Variants in LHX4 observed in about 807,000 individuals in gnomAD.
LHX4 encodes the protein LIM/homeobox protein Lhx4.
LHX4 carries 16 observed loss-of-function variants against 39.2 expected under a neutral mutation model. The observed-to-expected ratio is 0.41, with a 90% confidence interval of 0.28 to 0.62. The LOEUF is 0.62. Ranked by LOEUF, LHX4 falls within the 20% of genes least tolerant of loss-of-function variation. The pLI, the probability that LHX4 is intolerant of heterozygous loss-of-function variation, is 0.33. For synonymous variants in LHX4, 206 were observed against 198.1 expected (o/e 1.04, Z -0.33); for missense variants, 439 against 511.9 (o/e 0.86, Z 1.37).
intron 2 of LHX4, among the ~76,000 whole-genome samples, chr1:180,262,825 G>A (rs959670566): frequency 1.3e-5 from 2 of 152,164 alleles, no homozygotes; most frequent in Admixed American, 6.5e-5. Context: ...CATTCATTGG[G>A]TCTTTGTGGC....
chr1:180,229,968 G>GGGGGGGC, upstream of LHX4, among the ~76,000 whole-genome samples: 1 of 140,972 alleles, frequency 7.1e-6, no homozygotes, highest in South Asian at 2.3e-4. Flanking sequence ...GCGGGGAGGG[G>GGGGGGGC]GGGGGGGTGC....
Position 180,271,445 on chromosome 1 carries a change from A to G in LHX4, c.517A>G (p.Lys173Glu). 6.2e-7 allele frequency: 1 copy of G among 1,614,164 alleles called. No individual in the cohort carries two copies. The highest frequency in any genetic ancestry group is 8.5e-7 in the Non-Finnish European group (1 of 1,180,012). Reference protein sequence around the residue: ...TITAKQLETLKNAYKNSPKPA... With the variant: ...TITAKQLETLENAYKNSPKPA... The stretch of plus-strand genomic sequence containing the variant: ...CACAGCCAAGCAGCTGGAGACATTA[A>G]AGAATGCATACAAGAACTCCCCCAA... The change falls in exon 4 of 6, where the codon AAG becomes GAG. Residue 173 changes from lysine (K) to glutamate (E), a missense_variant. Coordinates refer to ENST00000263726, the MANE Select transcript of LHX4 (RefSeq NM_033343.4).
intron 2 of LHX4, among the ~76,000 whole-genome samples, chr1:180,260,081 C>T (rs906956826): frequency 1.3e-5 from 2 of 151,564 alleles, no homozygotes; most frequent in African/African-American, 4.9e-5. Flanking sequence ...TGAGTTAAGT[C>T]ACCCAGGCGG....
intron 2 of LHX4, among the ~76,000 whole-genome samples, chr1:180,257,816 T>G (rs1399561698): frequency 6.6e-6 from 1 of 152,202 alleles, no homozygotes; most frequent in African/African-American, 2.4e-5. Flanking sequence ...ACATGGGTCC[T>G]GGGCTGGTCC....
intron 2 of LHX4, among the ~76,000 whole-genome samples, chr1:180,265,577 G>A (rs2149262963): frequency 6.6e-6 from 1 of 152,322 alleles, no homozygotes; most frequent in South Asian, 2.1e-4. Context: ...TGCCTTGGTG[G>A]CAGCAGGTAG....
chr1:180,237,925 G>A (rs1664362089), intron 1 of LHX4, among the ~76,000 whole-genome samples: 1 of 152,228 alleles, frequency 6.6e-6, no homozygotes, highest in Non-Finnish European at 1.5e-5. Flanking sequence ...TGAAAATGGA[G>A]TGGAAATAGA....
In LHX4 at chr1:180,274,621, G is replaced by A. The variant is rs775561854; in HGVS notation, c.*42G>A. On this transcript the variant is annotated 3_prime_UTR_variant, in exon 6 of 6. Transcript: ENST00000263726. Reference sequence around the variant, plus strand: ...CCCTACCTGCCCCCCTGGCTTGAGAGAATATCTTCAAGGATCAAAAGAGAC... The same window carrying A: ...CCCTACCTGCCCCCCTGGCTTGAGAAAATATCTTCAAGGATCAAAAGAGAC... 5 of 1,513,056 alleles carry A rather than the reference G, an allele frequency of 3.3e-6. No individual in the cohort carries two copies. The highest frequency in any genetic ancestry group is 4.4e-6 in the Non-Finnish European group (5 of 1,134,808). 93.7% of individuals were successfully genotyped at this position (1,513,056 alleles called of 1,614,324 possible).
chr1:180,258,248 G>A (rs937948697), intron 2 of LHX4, among the ~76,000 whole-genome samples: 1 of 152,200 alleles, frequency 6.6e-6, no homozygotes, highest in Non-Finnish European at 1.5e-5. Context: ...CCCCTGAGCA[G>A]GTGACATTTC....
chr1:180,232,140 C>G lies in LHX4; in HGVS notation c.76+1535C>G, dbSNP rs1168638042. 2.0e-5 allele frequency among the ~76,000 whole-genome samples: 3 copies of G among 152,270 alleles called. No homozygotes were observed. Among genetic ancestry groups the G allele is most frequent in the East Asian group, 3.9e-4 (2 of 5,180 alleles). ...CCCCTGCAAAGACGGAAACAGAAAC[C>G]CTGCAAAGGTGCACCGAGTCCTTAA... On this transcript the variant is annotated intron_variant, in intron 1 of 5. Transcript: ENST00000263726. The surrounding 1 kb of genome is among the most constrained non-coding windows in gnomAD (Gnocchi z 5.4).
chr1:180,272,145 T>TG, intron 5 of LHX4, 139 bp downstream of exon 5: 2 of 741,914 alleles, frequency 2.7e-6, no homozygotes, highest in Non-Finnish European at 4.3e-6. Context: ...AGACTTGCAG[T>TG]GAAGGGTGGG....
At chr1:180,233,943 C>T (rs966326641) in intron 1 of LHX4, among the ~76,000 whole-genome samples, 14 of 151,504 alleles carry the variant, frequency 9.2e-5, no homozygotes, top group African/African-American at 2.7e-4. Context: ...ACTTCCTCTC[C>T]TGGGGCTCCT....
At position 180,248,003 on chromosome 1, in the gene LHX4, G is replaced by A. The variant is rs1647452176; in HGVS notation, c.77-282G>A. Among the ~76,000 whole-genome samples the A allele has an allele frequency of 5.9e-5, 9 of 152,304 alleles. No individual in the cohort carries two copies. In the South Asian group the frequency reaches 1.7e-3, roughly 28 times the overall value. On this transcript the variant is annotated intron_variant, in intron 1 of 5. Coordinates refer to ENST00000263726, the MANE Select transcript of LHX4 (RefSeq NM_033343.4). Reference sequence around the variant, plus strand: ...GGTTAGCTGCTGCTGCTAGCCTTGTGGTGCCCTTAGAAACGAGTGATTCCT... The same window carrying A: ...GGTTAGCTGCTGCTGCTAGCCTTGTAGTGCCCTTAGAAACGAGTGATTCCT...
chr1:180,244,914 GCC>G (rs1558211191), intron 1 of LHX4, among the ~76,000 whole-genome samples: 2 of 151,728 alleles, frequency 1.3e-5, no homozygotes, highest in African/African-American at 2.4e-5. Context: ...GGGGCATGAA[GCC>G]CTCCCTGCAC....
intron 1 of LHX4, among the ~76,000 whole-genome samples, chr1:180,245,375 C>T (rs1360676139): frequency 6.6e-6 from 1 of 152,214 alleles, no homozygotes; most frequent in East Asian, 1.9e-4. Context: ...TTCCAGGGCC[C>T]TCCAGGGATT....
intron 1 of LHX4, among the ~76,000 whole-genome samples, 169 bp from the exon 2 acceptor site, chr1:180,248,116 G>A (rs1465761592): frequency 1.3e-5 from 2 of 152,222 alleles, no homozygotes; most frequent in African/African-American, 2.4e-5. Flanking sequence ...CCTTGACTAC[G>A]TACGTTTGTG....
chr1:180,252,642 G>C (rs1369315271), intron 2 of LHX4, among the ~76,000 whole-genome samples: 1 of 152,134 alleles, frequency 6.6e-6, no homozygotes, highest in Non-Finnish European at 1.5e-5. Context: ...ACTCCAGGGG[G>C]CATCCTCCTG....
At chr1:180,231,547 C>T (rs1323264833) in intron 1 of LHX4, among the ~76,000 whole-genome samples, 1 of 124,268 alleles carries the variant, frequency 8.0e-6, no homozygotes, top group Non-Finnish European at 1.6e-5. Flanking sequence ...GAACAGGTGC[C>T]CAGTCGTCGC....
At chr1:180,264,376 ATAAC>A (rs978966051) in intron 2 of LHX4, among the ~76,000 whole-genome samples, 4 of 79,256 alleles carry the variant, frequency 5.0e-5, no homozygotes, top group African/African-American at 1.9e-4. Flanking sequence ...ACACACACAC[ATAAC>A]ACACACACAC....
At position 180,266,130 on chromosome 1, in the gene LHX4, G is replaced by A. The variant is rs913853458; in HGVS notation, c.249-262G>A. On this transcript the variant is annotated intron_variant, in intron 2 of 5. Coordinates refer to ENST00000263726, the MANE Select transcript of LHX4 (RefSeq NM_033343.4). The surrounding 1 kb of genome is among the most constrained non-coding windows in gnomAD (Gnocchi z 5.7). ...GGTGTTAATCGGGCAGCTGGAATCC[G>A]GGGGCATCAGCTTTGGAAAAGGTAC... Among the ~76,000 whole-genome samples, 8 of 152,152 alleles carry A rather than the reference G, an allele frequency of 5.3e-5. No homozygotes were observed. The highest frequency in any genetic ancestry group is 1.7e-4 in the African/African-American group (7 of 41,416).
Sources: allele counts gnomAD v4.1 joint callset (sites outside exome capture counted in the v4.1 genomes callset), GRCh38; gene constraint gnomAD v4.1.1; non-coding constraint Gnocchi (gnomAD v3.1); transcripts MANE v1.5; gene names NCBI Gene and HGNC (gene_info 2026-07-23, HGNC 2026-07-21).